Variants in DCAF5 observed in about 807,000 individuals in gnomAD.
DCAF5 encodes DDB1 and CUL4 associated factor 5, also known as DDB1- and CUL4-associated factor 5.
In DCAF5, 9 loss-of-function variants were observed where a neutral mutation model predicts 80.7. The observed-to-expected ratio is 0.11, with a 90% CI of 0.07 to 0.19. The LOEUF is 0.19. DCAF5 is among the 10% of genes least tolerant of loss of function. DCAF5 has a pLI of 1.00. For synonymous variants in DCAF5, 433 were observed against 461.9 expected (o/e 0.94, Z 0.80); for missense variants, 842 against 1,205.7 (o/e 0.70, Z 4.47).
chr14:69,139,940 G>A (rs746928087), intron 1 of DCAF5, among the ~76,000 whole-genome samples: 4 of 150,784 alleles, frequency 2.7e-5, no homozygotes, highest in Non-Finnish European at 4.4e-5. Context: ...AAGGGAGGGA[G>A]AGAAAGGGAA....
intron 5 of DCAF5, among the ~76,000 whole-genome samples, chr14:69,094,605 C>T (rs975254991): frequency 1.3e-5 from 2 of 152,138 alleles, no homozygotes; most frequent in African/African-American, 4.8e-5. Flanking sequence ...AAGTAAGTTA[C>T]ATTAACTGTA....
chr14:69,072,907 C>T lies in DCAF5; in HGVS notation c.946+2438G>A, dbSNP rs2038753304. Among the ~76,000 whole-genome samples the T allele has an allele frequency of 2.6e-5, 4 of 152,016 alleles. No homozygotes were observed. The South Asian group carries it at 8.3e-4, about 31-fold the overall frequency. On this transcript the variant is annotated intron_variant, in intron 7 of 8. Transcript: ENST00000341516. ...GTCCTGTCCTTGTGCACAAAGAAGC[C>T]CAAGTACCAAGTAAAGGATGGGGAT...
Position 69,054,830 on chromosome 14 carries a change from T to A in DCAF5, c.1856A>T (p.Gln619Leu), listed in dbSNP as rs1012536115. ...YIGEDNYDYPQIKVDDLSSSP... is the reference protein window; with the variant it reads ...YIGEDNYDYPLIKVDDLSSSP... The stretch of plus-strand genomic sequence containing the variant: ...GGAGGAGAGGTCATCCACTTTGATC[T>A]GGGGGTAATCATAGTTGTCTTCTCC... The change falls in exon 9 of 9, where the codon CAG (glutamine) becomes CTG (leucine). Residue 619 changes from glutamine to leucine, a missense_variant. By Grantham distance (113) the Gln-to-Leu change is moderately radical. This residue lies in a region of DCAF5 where 607 missense variants were observed against 656.6 expected (regional missense o/e 0.92). Coordinates refer to ENST00000341516, the MANE Select transcript of DCAF5 (RefSeq NM_003861.3). 4 of 1,614,208 alleles carry A rather than the reference T, an allele frequency of 2.5e-6. No homozygotes were observed. The highest frequency in any genetic ancestry group is 3.4e-6 in the Non-Finnish European group (4 of 1,180,040).
chr14:69,121,467 G>C (rs1360538324), intron 2 of DCAF5, among the ~76,000 whole-genome samples: 1 of 152,174 alleles, frequency 6.6e-6, no homozygotes, highest in Non-Finnish European at 1.5e-5. Flanking sequence ...ACTTTTTAAA[G>C]TTGAAAATGG....
rs368897129 is a variant in DCAF5, at chr14:69,088,570, T to C, written c.879+3104A>G. Among the ~76,000 whole-genome samples, 46 of 152,376 alleles carry C rather than the reference T, an allele frequency of 3.0e-4. 2 individuals are homozygous for C. The South Asian group carries it at 9.1e-3, about 30-fold the overall frequency. ...TCTGAAGAATATCTGGGTCCATCTGTATGGACTGAATAATCTCATAATTAA... is the reference window on the plus strand; with the variant it reads ...TCTGAAGAATATCTGGGTCCATCTGCATGGACTGAATAATCTCATAATTAA... On this transcript the variant is annotated intron_variant, in intron 6 of 8. Coordinates refer to ENST00000341516, the MANE Select transcript of DCAF5 (RefSeq NM_003861.3).
At chr14:69,112,942 C>T (rs965611765) in intron 5 of DCAF5, among the ~76,000 whole-genome samples, 1 of 152,162 alleles carries the variant, frequency 6.6e-6, no homozygotes, top group Non-Finnish European at 1.5e-5. Context: ...CCCCTTACCT[C>T]ACTGGGCTAG....
At chr14:69,115,197 C>A (rs1001278706) in intron 5 of DCAF5, among the ~76,000 whole-genome samples, 1 of 152,142 alleles carries the variant, frequency 6.6e-6, no homozygotes, top group Non-Finnish European at 1.5e-5. Context: ...AGGGGTCCTG[C>A]CACTACACAC....
At position 69,118,605 on chromosome 14, in the gene DCAF5, C is replaced by CA. The variant is rs1243782928; in HGVS notation, c.396-328dup. Among the ~76,000 whole-genome samples the CA allele has an allele frequency of 6.6e-6, 1 of 152,102 alleles. No individual in the cohort carries two copies. The highest frequency in any genetic ancestry group is 2.4e-5 in the African/African-American group (1 of 41,418). ...AGATTTGGGGGTCATACTTGATTTT[C>CA]AAAAAGCAAGGGAAAGCTTTAAAGC... On this transcript the variant is annotated intron_variant, in intron 3 of 8. Coordinates refer to ENST00000341516, the MANE Select transcript of DCAF5 (RefSeq NM_003861.3). This position sits in a 1 kb window ranked among gnomAD's most constrained non-coding sequence, Gnocchi z 4.0.
chr14:69,134,967 T>A (rs1437657532), intron 1 of DCAF5, among the ~76,000 whole-genome samples: 5 of 152,182 alleles, frequency 3.3e-5, no homozygotes, highest in African/African-American at 4.8e-5. Flanking sequence ...GGGAAAATAT[T>A]TTTTCTCTTG....
At chr14:69,083,913 AT>A (rs2039215539) in intron 6 of DCAF5, 18 of 778,742 alleles carry the variant, frequency 2.3e-5, no homozygotes. Context: ...AGGATACTTC[AT>A]TTGCTTCTTA....
At chr14:69,122,725 C>A (rs1425468269) in intron 1 of DCAF5, among the ~76,000 whole-genome samples, 4 of 152,024 alleles carry the variant, frequency 2.6e-5, no homozygotes, top group African/African-American at 9.7e-5. Flanking sequence ...TTTAATAGAA[C>A]CTGAGATGAC....
chr14:69,068,511 C>T (rs1008448332), intron 7 of DCAF5, among the ~76,000 whole-genome samples: 7 of 151,964 alleles, frequency 4.6e-5, no homozygotes, highest in Non-Finnish European at 8.8e-5. Flanking sequence ...CCAGCCTGAC[C>T]AACATGGAGA....
chr14:69,143,931 G>A (rs2140120685), intron 1 of DCAF5: 1 of 152,134 alleles, frequency 6.6e-6, no homozygotes, highest in South Asian at 2.1e-4. Flanking sequence ...TTAGTTGTAA[G>A]CACCACTGCA....
rs1387429322 is a variant in DCAF5 at position 69,122,331 on chromosome 14, G to A, written c.244C>T (p.His82Tyr). Reference sequence around the variant, plus strand: ...CTGGAGTGGATGGCTTGTTCCATGTGCCATAGCAGAACCCGGCGGTCATCT... The same window carrying A: ...CTGGAGTGGATGGCTTGTTCCATGTACCATAGCAGAACCCGGCGGTCATCT... The part of the protein sequence containing the change: ...GGDDRRVLLW[H>Y]MEQAIHSRVK... Residue 82 changes from histidine to tyrosine, a missense_variant, in exon 2 of 9, where the codon CAC (histidine) becomes TAC (tyrosine). Physicochemically the swap from His to Tyr is moderately conservative, Grantham distance 83. Around this residue, in one of 5 missense-constraint regions of DCAF5, gnomAD observed 142 missense variants for 311.9 expected, o/e 0.46. Transcript: ENST00000341516. 1.2e-6 allele frequency: 2 copies of A among 1,612,788 alleles called. No homozygotes were observed. The highest frequency in any genetic ancestry group is 1.3e-5 in the African/African-American group (1 of 74,908).
chr14:69,089,371 T>C (rs1419878693), intron 6 of DCAF5: 2 of 152,208 alleles, frequency 1.3e-5, no homozygotes, highest in Non-Finnish European at 2.9e-5. Flanking sequence ...GAACAGACTT[T>C]TAAGACTTTA....
At chr14:69,104,828 G>C (rs1218434923) in intron 5 of DCAF5, among the ~76,000 whole-genome samples, 1 of 151,582 alleles carries the variant, frequency 6.6e-6, no homozygotes, top group Non-Finnish European at 1.5e-5. Context: ...TTGCACTCCA[G>C]CCTGGGCAAC....
chr14:69,147,875 C>T (rs1211675280), intron 1 of DCAF5, among the ~76,000 whole-genome samples: 1 of 152,154 alleles, frequency 6.6e-6, no homozygotes, highest in Non-Finnish European at 1.5e-5. Flanking sequence ...ATGGGTTATT[C>T]TGCTAGCTCT....
At chr14:69,097,486 T>C (rs895054421) in intron 5 of DCAF5, among the ~76,000 whole-genome samples, 1 of 152,102 alleles carries the variant, frequency 6.6e-6, no homozygotes, top group Non-Finnish European at 1.5e-5. Flanking sequence ...TAGCACCTAC[T>C]ATATGCAATG....
chr14:69,132,762 C>T (rs1335472971), intron 1 of DCAF5, among the ~76,000 whole-genome samples: 2 of 152,060 alleles, frequency 1.3e-5, no homozygotes, highest in African/African-American at 2.4e-5. Flanking sequence ...TTAGTCTCCA[C>T]GTAGTAAGAC....
Sources: allele counts gnomAD v4.1 joint callset (sites outside exome capture counted in the v4.1 genomes callset), GRCh38; gene constraint gnomAD v4.1.1; regional missense constraint gnomAD v4.1.1; non-coding constraint Gnocchi (gnomAD v3.1); transcripts MANE v1.5; gene names NCBI Gene and HGNC (gene_info 2026-07-23, HGNC 2026-07-21).